The following RORA variants were observed in gnomAD, a reference collection of about 807,000 sequenced individuals.
RORA encodes the protein RAR related orphan receptor A, also known as nuclear receptor ROR-alpha.
Under a neutral mutation model 69.5 loss-of-function variants are expected in RORA, and 7 were observed. The ratio of observed to expected loss-of-function variants is 0.10; its 90% CI spans 0.06 to 0.19. The LOEUF (loss-of-function observed/expected upper bound fraction) is 0.19, where lower values mean the gene tolerates loss of function less well. Ranked by LOEUF, RORA falls within the 10% of genes least tolerant of loss-of-function variation. The pLI is 1.00. For missense variants in RORA, 457 were observed against 663.0 expected (o/e 0.69, Z 3.41); for synonymous variants, 261 against 240.8 (o/e 1.08, Z -0.78).
chr15:61,159,612 T>C (rs542846787), intron 1 of RORA, among the ~76,000 whole-genome samples: 10 of 152,352 alleles, frequency 6.6e-5, no homozygotes, highest in African/African-American at 1.9e-4. Flanking sequence ...TCAGGAAACC[T>C]AACATCGTGT....
intron 1 of RORA, among the ~76,000 whole-genome samples, chr15:61,047,017 C>G (rs930625211): frequency 2.0e-5 from 3 of 152,242 alleles, no homozygotes; most frequent in African/African-American, 7.2e-5. Flanking sequence ...GCAGCTCTAC[C>G]TAGTCCTTCA....
intron 1 of RORA, among the ~76,000 whole-genome samples, chr15:60,772,777 G>T (rs1343977189): frequency 6.6e-6 from 1 of 152,144 alleles, no homozygotes; most frequent in East Asian, 1.9e-4. Flanking sequence ...TCATTTCACT[G>T]CTGGATCTAC....
intron 1 of RORA, among the ~76,000 whole-genome samples, chr15:61,123,769 T>C (rs1043622154): frequency 6.8e-6 from 1 of 147,310 alleles, no homozygotes; most frequent in Non-Finnish European, 1.5e-5. Flanking sequence ...CTAAGCCAGA[T>C]TTCCCAGCCG....
At chr15:61,033,812 T>G (rs1240658892) in intron 1 of RORA, among the ~76,000 whole-genome samples, 1 of 152,126 alleles carries the variant, frequency 6.6e-6, no homozygotes, top group Admixed American at 6.6e-5. Context: ...TGCATGCCTA[T>G]AGTCCCGACT....
chr15:61,036,821 C>G (rs1027737248), intron 1 of RORA, among the ~76,000 whole-genome samples: 1 of 145,600 alleles, frequency 6.9e-6, no homozygotes, highest in African/African-American at 2.6e-5. Flanking sequence ...CACCCCTGCC[C>G]TTCTCCCAAA....
intron 1 of RORA, among the ~76,000 whole-genome samples, chr15:60,844,653 T>C (rs1249867616): frequency 6.6e-6 from 1 of 152,236 alleles, no homozygotes; most frequent in Non-Finnish European, 1.5e-5. Flanking sequence ...CACGTGATGA[T>C]GTGGGTAACC....
intron 1 of RORA, among the ~76,000 whole-genome samples, chr15:60,803,481 T>A (rs1054183563): frequency 3.9e-5 from 6 of 152,224 alleles, no homozygotes; most frequent in African/African-American, 1.4e-4. Context: ...GGTCCCTGCA[T>A]GCAACGTGCA....
chr15:60,508,990 A>C (rs1376457683), intron 5 of RORA, among the ~76,000 whole-genome samples: 1 of 152,174 alleles, frequency 6.6e-6, no homozygotes, highest in Admixed American at 6.5e-5. Context: ...TGAAAGAGAG[A>C]ATTGGACTTA....
intron 2 of RORA, among the ~76,000 whole-genome samples, chr15:60,579,059 G>A (rs370301781): frequency 4.8e-5 from 7 of 144,488 alleles, no homozygotes; most frequent in African/African-American, 1.9e-4. Flanking sequence ...GAGCCACCGC[G>A]CCCGGTTTTT....
intron 3 of RORA, among the ~76,000 whole-genome samples, chr15:60,523,054 A>AC (rs1025358703): frequency 2.6e-5 from 4 of 151,904 alleles, no homozygotes; most frequent in African/African-American, 9.7e-5. Flanking sequence ...AAAACACAAA[A>AC]AAAAAAACTG....
At chr15:61,219,840 T>G (rs2080078338) in intron 1 of RORA, among the ~76,000 whole-genome samples, 1 of 152,110 alleles carries the variant, frequency 6.6e-6, no homozygotes, top group Non-Finnish European at 1.5e-5. Context: ...GCATCATGAG[T>G]GAGTATCACA....
intron 1 of RORA, among the ~76,000 whole-genome samples, chr15:60,954,711 G>A (rs1048706053): frequency 1.3e-5 from 2 of 152,220 alleles, no homozygotes; most frequent in African/African-American, 4.8e-5. Context: ...TGAACTATTA[G>A]GTTGTTGCAA....
intron 1 of RORA, among the ~76,000 whole-genome samples, chr15:61,191,614 C>A (rs1210882625): frequency 6.6e-6 from 1 of 152,216 alleles, no homozygotes; most frequent in East Asian, 1.9e-4. Context: ...TCCCCTCTAT[C>A]GTTCCTTCCA....
intron 2 of RORA, among the ~76,000 whole-genome samples, chr15:60,538,838 C>T (rs918773586): frequency 1.3e-5 from 2 of 151,900 alleles, no homozygotes; most frequent in Admixed American, 6.6e-5. Flanking sequence ...ACATCTGACT[C>T]AAATGAGTCT....
rs71395155 is a variant in RORA, at chr15:60,660,213, C to T, written c.196+18444G>A. On this transcript the variant is annotated intron_variant, in intron 2 of 10. Transcript: ENST00000335670. ...TTACTTAGACACAATGTATCTGGAA[C>T]ACAGATAATGTGAAGGTCAGCTTCA... is the stretch of plus-strand genomic sequence containing the variant. 9.3e-3 allele frequency among the ~76,000 whole-genome samples: 1,410 copies of T among 152,260 alleles called. 6 individuals are homozygous for T. Among genetic ancestry groups the T allele is most frequent in the Non-Finnish European group, 0.015 (1,014 of 68,026 alleles).
intron 1 of RORA, among the ~76,000 whole-genome samples, chr15:60,876,256 GT>G (rs966247614): frequency 3.0e-4 from 40 of 134,030 alleles, no homozygotes; most frequent in Admixed American, 1.3e-3. Flanking sequence ...CAAAAAATGT[GT>G]TTTTTCTGAA....
intron 1 of RORA, among the ~76,000 whole-genome samples, chr15:60,958,909 A>G (rs554162763): frequency 6.6e-6 from 1 of 152,262 alleles, no homozygotes; most frequent in South Asian, 2.1e-4. Context: ...GGCAAGGAAG[A>G]CCTCACAGAG....
intron 1 of RORA, among the ~76,000 whole-genome samples, chr15:60,954,081 G>A (rs1173718985): frequency 1.3e-5 from 2 of 149,544 alleles, no homozygotes; most frequent in Non-Finnish European, 3.0e-5. Context: ...AGAAAATGTG[G>A]CACATATACA....
At chr15:60,928,188 G>A (rs530361621) in intron 1 of RORA, among the ~76,000 whole-genome samples, 3 of 152,230 alleles carry the variant, frequency 2.0e-5, no homozygotes, top group African/African-American at 7.2e-5. Context: ...ACAAAATTCA[G>A]ACTCCCCTGC....
Sources: allele counts gnomAD v4.1 joint callset (sites outside exome capture counted in the v4.1 genomes callset), GRCh38; gene constraint gnomAD v4.1.1; transcripts MANE v1.5; gene names NCBI Gene and HGNC (gene_info 2026-07-23, HGNC 2026-07-21).